Variants in MYO1D observed in about 807,000 individuals in gnomAD.
The protein encoded by MYO1D is unconventional myosin-Id.
A neutral mutation model predicts 122.0 loss-of-function variants in MYO1D; 83 were observed. That is an observed-to-expected ratio of 0.68 (90% CI 0.57 to 0.82). The LOEUF (loss-of-function observed/expected upper bound fraction) is 0.82. Among genes scored for constraint, MYO1D ranks in the 40% least tolerant of loss-of-function variants. The pLI, the probability that MYO1D is intolerant of heterozygous loss-of-function variation, is 0.00. For missense variants in MYO1D, 1,157 were observed against 1,269.5 expected, an observed-to-expected ratio of 0.91 and a Z score of 1.35; for synonymous variants, 464 against 446.9, an observed-to-expected ratio of 1.04 and a Z score of -0.48.
chr17:32,681,306 C>T (rs28783170), intron 16 of MYO1D, among the ~76,000 whole-genome samples: 90,149 of 133,868 alleles, frequency 0.67, 30,572 homozygotes, highest in Middle Eastern at 0.77. Context: ...TTTGAATGTG[C>T]TTGCTCTTGC....
At chr17:32,785,378 T>A (rs1384101735) in intron 1 of MYO1D, among the ~76,000 whole-genome samples, 1 of 152,226 alleles carries the variant, frequency 6.6e-6, no homozygotes, top group Admixed American at 6.5e-5. Flanking sequence ...ATTATTCATT[T>A]ACTTGAGGAG....
intron 1 of MYO1D, among the ~76,000 whole-genome samples, chr17:32,838,716 A>G (rs1292723714): frequency 1.3e-5 from 2 of 152,226 alleles, no homozygotes; most frequent in Non-Finnish European, 1.5e-5. Context: ...GCATTTTAGA[A>G]AGATCACTTT....
At chr17:32,855,238 G>A (rs1230610576) in intron 1 of MYO1D, among the ~76,000 whole-genome samples, 1 of 152,014 alleles carries the variant, frequency 6.6e-6, no homozygotes, top group East Asian at 1.9e-4. Flanking sequence ...ACATAAGAAT[G>A]TACACATCTT....
At chr17:32,625,834 A>G (rs568876899) in intron 20 of MYO1D, among the ~76,000 whole-genome samples, 46 of 152,298 alleles carry the variant, frequency 3.0e-4, no homozygotes, top group African/African-American at 1.0e-3. Context: ...CTGGGCCCCA[A>G]ACAGGATTTT....
At chr17:32,626,281 C>T (rs1425981814) in intron 20 of MYO1D, among the ~76,000 whole-genome samples, 2 of 152,138 alleles carry the variant, frequency 1.3e-5, no homozygotes, top group South Asian at 2.1e-4. Context: ...CTATTATTGC[C>T]GCAGCTTAGT....
chr17:32,717,957 T>G (rs1397848110), intron 15 of MYO1D, among the ~76,000 whole-genome samples: 1 of 152,200 alleles, frequency 6.6e-6, no homozygotes, highest in Non-Finnish European at 1.5e-5. Flanking sequence ...TTCTTTCCTC[T>G]AGTCCTTCTG....
chr17:32,797,575 T>C (rs1490907014), intron 1 of MYO1D, among the ~76,000 whole-genome samples: 1 of 152,232 alleles, frequency 6.6e-6, no homozygotes, highest in Non-Finnish European at 1.5e-5. Context: ...ATTATTGCTG[T>C]TAATCTCTTA....
intron 1 of MYO1D, among the ~76,000 whole-genome samples, chr17:32,842,893 T>C (rs1420000578): frequency 1.4e-5 from 2 of 144,110 alleles, no homozygotes; most frequent in East Asian, 2.0e-4. Flanking sequence ...TTTCTTTTTT[T>C]TTTTTTTTTT....
Position 32,641,683 on chromosome 17 carries a change from G to A in MYO1D, c.2596-2848C>T, listed in dbSNP as rs564624454. On this transcript the variant is annotated intron_variant, in intron 19 of 21. Coordinates refer to ENST00000318217, the MANE Select transcript of MYO1D (RefSeq NM_015194.3). ...TTTGATTTGCATTTCTCTGATGGCCGGTGATGATGAGCATTTTTTCATGTG... is the reference window on the plus strand; with the variant it reads ...TTTGATTTGCATTTCTCTGATGGCCAGTGATGATGAGCATTTTTTCATGTG... 2.6e-4 allele frequency among the ~76,000 whole-genome samples: 40 copies of A among 152,224 alleles called. No homozygotes were observed. In the East Asian group the frequency reaches 4.6e-3, roughly 18 times the overall value.
intron 1 of MYO1D, among the ~76,000 whole-genome samples, chr17:32,841,526 A>G (rs1452082464): frequency 6.6e-6 from 1 of 152,122 alleles, no homozygotes; most frequent in Non-Finnish European, 1.5e-5. Flanking sequence ...TTTAAATTGT[A>G]GCTCCCAGAG....
At chr17:32,729,342 G>T (rs1274787531) in intron 14 of MYO1D, among the ~76,000 whole-genome samples, 1 of 151,978 alleles carries the variant, frequency 6.6e-6, no homozygotes, top group African/African-American at 2.4e-5. Context: ...TACCTTATTA[G>T]GTATTAATAC....
intron 21 of MYO1D, among the ~76,000 whole-genome samples, chr17:32,561,464 C>T (rs931307572): frequency 6.6e-6 from 1 of 151,476 alleles, no homozygotes; most frequent in African/African-American, 2.4e-5. Context: ...CCAAGGCAGG[C>T]GGATCATGAG....
intron 1 of MYO1D, among the ~76,000 whole-genome samples, chr17:32,834,441 TAAC>T (rs2090802599): frequency 6.6e-6 from 1 of 152,204 alleles, no homozygotes; most frequent in South Asian, 2.1e-4. Context: ...TTCTCCAAGC[TAAC>T]AACATGTGAA....
chr17:32,685,479 C>A (rs988749790), intron 16 of MYO1D, among the ~76,000 whole-genome samples: 3 of 152,166 alleles, frequency 2.0e-5, no homozygotes, highest in Non-Finnish European at 2.9e-5. Context: ...GGGCAGAAAA[C>A]CCTTGCTTCT....
At chr17:32,837,906 G>A (rs2090843070) in intron 1 of MYO1D, among the ~76,000 whole-genome samples, 1 of 152,254 alleles carries the variant, frequency 6.6e-6, no homozygotes, top group South Asian at 2.1e-4. Context: ...TTTTGTGTAT[G>A]CATTTATCAA....
chr17:32,640,695 T>C (rs1190132574), intron 19 of MYO1D, among the ~76,000 whole-genome samples: 5 of 151,322 alleles, frequency 3.3e-5, no homozygotes, highest in Non-Finnish European at 5.9e-5. Context: ...ATGGTGTATA[T>C]GTGCCACATT....
chr17:32,839,094 A>G (rs1181315744), intron 1 of MYO1D, among the ~76,000 whole-genome samples: 1 of 152,222 alleles, frequency 6.6e-6, no homozygotes, highest in African/African-American at 2.4e-5. Context: ...ACAAAAAACA[A>G]GAAAAACAAG....
At chr17:32,809,294 G>A (rs942296640) in intron 1 of MYO1D, among the ~76,000 whole-genome samples, 1 of 151,912 alleles carries the variant, frequency 6.6e-6, no homozygotes, top group Admixed American at 6.6e-5. Context: ...AAATTTTTTT[G>A]TTTTTTATTC....
intron 16 of MYO1D, among the ~76,000 whole-genome samples, chr17:32,693,305 T>C (rs925311257): frequency 6.6e-6 from 1 of 151,788 alleles, no homozygotes; most frequent in Non-Finnish European, 1.5e-5. Context: ...CCAGAAAATG[T>C]TGTCATGGAG....
Sources: gnomAD v4.1 joint callset for allele counts (sites outside exome capture counted in the v4.1 genomes callset) on GRCh38, gnomAD v4.1.1 for gene constraint, MANE v1.5 for transcripts, NCBI Gene and HGNC (gene_info 2026-07-23, HGNC 2026-07-21) for gene names.